The following SLIT3 variants were observed in gnomAD, a reference collection of about 807,000 sequenced individuals.
SLIT3 encodes slit guidance ligand 3.
SLIT3 carries 68 observed loss-of-function variants against 184.0 expected under a neutral mutation model. The ratio of observed to expected loss-of-function variants is 0.37; its 90% CI spans 0.30 to 0.45. The LOEUF (loss-of-function observed/expected upper bound fraction) is 0.45. Among genes scored for constraint, SLIT3 ranks in the 20% least tolerant of loss-of-function variants. SLIT3 has a pLI of 1.00. For missense variants in SLIT3, 1,707 were observed against 2,026.0 expected (o/e 0.84, Z 3.02); for synonymous variants, 831 against 828.6 (o/e 1.00, Z -0.05).
At chr5:169,224,859 G>C (rs1764748426) in intron 3 of SLIT3, among the ~76,000 whole-genome samples, 1 of 151,956 alleles carries the variant, frequency 6.6e-6, no homozygotes, top group Non-Finnish European at 1.5e-5. Flanking sequence ...GCTAATTTTT[G>C]TATTTTTAGG....
intron 1 of SLIT3, among the ~76,000 whole-genome samples, chr5:169,288,681 C>A (rs1767239995): frequency 1.3e-5 from 2 of 152,102 alleles, no homozygotes; most frequent in Non-Finnish European, 1.5e-5. Flanking sequence ...CTTTAAATGA[C>A]TCCATCCTTC....
At chr5:169,181,376 G>C (rs1019093084) in intron 4 of SLIT3, among the ~76,000 whole-genome samples, 1 of 152,152 alleles carries the variant, frequency 6.6e-6, no homozygotes, top group Non-Finnish European at 1.5e-5. Flanking sequence ...AAGACTATTA[G>C]AGCAATATCA....
chr5:169,073,634 C>T (rs931703520), intron 4 of SLIT3, among the ~76,000 whole-genome samples: 1 of 152,034 alleles, frequency 6.6e-6, no homozygotes, highest in Admixed American at 6.6e-5. Flanking sequence ...TCATGAATGT[C>T]TTGGTGCTAT....
intron 4 of SLIT3, among the ~76,000 whole-genome samples, chr5:168,966,295 T>G (rs1197980278): frequency 4.6e-5 from 7 of 152,150 alleles, no homozygotes; most frequent in African/African-American, 1.7e-4. Context: ...CAGATGAAGT[T>G]CAATCATTTG....
chr5:168,785,091 C>T (rs10475891), intron 12 of SLIT3, among the ~76,000 whole-genome samples: 95,654 of 151,608 alleles, frequency 0.63, 32,532 homozygotes, highest in African/African-American at 0.91. Flanking sequence ...CAGTTCCTAA[C>T]ATCCAGAAGA....
intron 32 of SLIT3, among the ~76,000 whole-genome samples, chr5:168,682,226 C>G (rs1490706354): frequency 6.6e-6 from 1 of 152,248 alleles, no homozygotes; most frequent in Non-Finnish European, 1.5e-5. Context: ...GCCTCTTGCT[C>G]TGGTCAACAC....
chr5:168,686,715 G>A (rs956325896), intron 30 of SLIT3, among the ~76,000 whole-genome samples: 2 of 152,328 alleles, frequency 1.3e-5, no homozygotes, highest in East Asian at 3.9e-4. Context: ...CATTACACAA[G>A]CTGAACCTAA....
intron 4 of SLIT3, among the ~76,000 whole-genome samples, chr5:169,159,550 C>T (rs755621421): frequency 2.0e-4 from 30 of 152,150 alleles, no homozygotes; most frequent in South Asian, 4.2e-4. Context: ...CTGAGGTGGG[C>T]GGATCACAAG....
intron 5 of SLIT3, among the ~76,000 whole-genome samples, chr5:168,862,696 T>C (rs1759155479): frequency 1.3e-5 from 2 of 151,286 alleles, no homozygotes; most frequent in Non-Finnish European, 1.5e-5. Context: ...TTTTGTGAGA[T>C]GGAGTTTTGC....
intron 4 of SLIT3, among the ~76,000 whole-genome samples, chr5:169,164,582 A>G (rs1181540186): frequency 6.6e-6 from 1 of 152,112 alleles, no homozygotes; most frequent in African/African-American, 2.4e-5. Context: ...TGTCATCTCT[A>G]TGAGTCAGCC....
intron 4 of SLIT3, among the ~76,000 whole-genome samples, chr5:169,003,659 G>A (rs969025513): frequency 5.9e-5 from 9 of 152,318 alleles, no homozygotes; most frequent in African/African-American, 1.9e-4. Context: ...CCCATGGCCT[G>A]CAATTGCCCT....
intron 20 of SLIT3, among the ~76,000 whole-genome samples, chr5:168,729,388 C>T (rs1450835949): frequency 6.6e-6 from 1 of 151,548 alleles, no homozygotes; most frequent in African/African-American, 2.4e-5. Context: ...TTAAAATTAG[C>T]AAGAGAAAAG....
intron 35 of SLIT3, among the ~76,000 whole-genome samples, chr5:168,668,487 T>C (rs531572146): frequency 3.7e-4 from 56 of 152,354 alleles, no homozygotes; most frequent in African/African-American, 1.3e-3. Flanking sequence ...AGACTGCTCA[T>C]GTGTTCTCCC....
At chr5:169,261,273 C>T (rs1390149706) in intron 1 of SLIT3, among the ~76,000 whole-genome samples, 1 of 151,780 alleles carries the variant, frequency 6.6e-6, no homozygotes, top group Non-Finnish European at 1.5e-5. Context: ...TTCAGGTTGG[C>T]ATAGGAATAT....
At chr5:169,101,143 A>C (rs1171469278) in intron 4 of SLIT3, among the ~76,000 whole-genome samples, 1 of 152,176 alleles carries the variant, frequency 6.6e-6, no homozygotes, top group Non-Finnish European at 1.5e-5. Flanking sequence ...CTTAGGGAGT[A>C]AAAGAAACTT....
chr5:168,762,567 T>C lies in SLIT3; in HGVS notation c.1582A>G (p.Ser528Gly), dbSNP rs36004645. The C allele has an allele frequency of 2.5e-5, 41 of 1,613,852 alleles. No individual in the cohort carries two copies. Among genetic ancestry groups the C allele is most frequent in the South Asian group, 6.6e-5 (6 of 91,070 alleles). Reference protein sequence around the residue: ...CSNQKLVRIPSHLPEYVTDLR... With the variant: ...CSNQKLVRIPGHLPEYVTDLR... ...TCGGTGACATATTCAGGGAGGTGGC[T>C]TGGGATGCGGACCAGCTTCTGGTTG... The change falls in exon 15 of 36, where the codon AGC becomes GGC. Residue 528 changes from serine to glycine, a missense_variant. This residue lies in a region of SLIT3 where 1,307 missense variants were observed against 1,511.6 expected (regional missense o/e 0.86). Coordinates refer to ENST00000519560, the MANE Select transcript of SLIT3 (RefSeq NM_003062.4).
At chr5:168,923,519 T>C (rs1400484820) in intron 4 of SLIT3, among the ~76,000 whole-genome samples, 1 of 119,908 alleles carries the variant, frequency 8.3e-6, no homozygotes, top group Non-Finnish European at 1.9e-5. Flanking sequence ...TAAATATCTT[T>C]TTTTTTTTTT....
chr5:169,116,624 T>C lies in SLIT3; in HGVS notation c.413+76855A>G, dbSNP rs558039150. ...AGGCAACCAGGCCTATTATCATCACTGATAAGATGATAGTCCATGCACATG... is the reference window on the plus strand; with the variant it reads ...AGGCAACCAGGCCTATTATCATCACCGATAAGATGATAGTCCATGCACATG... On this transcript the variant is annotated intron_variant, in intron 4 of 35. Coordinates refer to ENST00000519560, the MANE Select transcript of SLIT3 (RefSeq NM_003062.4). Among the ~76,000 whole-genome samples, 3 of 152,342 alleles carry C rather than the reference T, an allele frequency of 2.0e-5. No individual in the cohort carries two copies. The East Asian group carries it at 5.8e-4, about 29-fold the overall frequency.
chr5:168,769,609 A>G (rs73802395), intron 14 of SLIT3, among the ~76,000 whole-genome samples: 3 of 152,264 alleles, frequency 2.0e-5, no homozygotes, highest in East Asian at 1.9e-4. Context: ...TTTGACACCT[A>G]TGCAGGGCTC....
Sources: allele counts gnomAD v4.1 joint callset (sites outside exome capture counted in the v4.1 genomes callset), GRCh38; gene constraint gnomAD v4.1.1; regional missense constraint gnomAD v4.1.1; transcripts MANE v1.5; gene names NCBI Gene and HGNC (gene_info 2026-07-23, HGNC 2026-07-21).